The following PEAK1 variants were observed in gnomAD, a reference collection of about 807,000 sequenced individuals.
PEAK1 encodes inactive tyrosine-protein kinase PEAK1.
In PEAK1, 54 loss-of-function variants were observed where a neutral mutation model predicts 124.7. That is an observed-to-expected ratio of 0.43 (90% CI 0.35 to 0.54). The LOEUF (loss-of-function observed/expected upper bound fraction) is 0.54, where lower values mean the gene tolerates loss of function less well. PEAK1 is among the 20% of genes least tolerant of loss of function. The pLI is 0.01. For synonymous variants in PEAK1, 719 were observed against 760.0 expected, an observed-to-expected ratio of 0.95 and a Z score of 0.89; for missense variants, 2,046 against 2,134.5, an observed-to-expected ratio of 0.96 and a Z score of 0.82.
intron 2 of PEAK1, among the ~76,000 whole-genome samples, chr15:77,292,857 G>A (rs1012234587): frequency 2.6e-5 from 4 of 152,044 alleles, no homozygotes; most frequent in Non-Finnish European, 2.9e-5. Flanking sequence ...TATGACATAC[G>A]TAGCAGGAAA....
At chr15:77,213,298 CAG>C (rs2152865246) in intron 6 of PEAK1, among the ~76,000 whole-genome samples, 1 of 152,204 alleles carries the variant, frequency 6.6e-6, no homozygotes, top group South Asian at 2.1e-4. Flanking sequence ...TGACAAAACA[CAG>C]AAAATGATAA....
intron 1 of PEAK1, among the ~76,000 whole-genome samples, chr15:77,374,648 A>G (rs140511231): frequency 6.6e-6 from 1 of 152,156 alleles, no homozygotes; most frequent in East Asian, 1.9e-4. Context: ...TACTTTAAAT[A>G]TCACTTTTTA....
chr15:77,269,549 G>C (rs551440980), intron 5 of PEAK1, among the ~76,000 whole-genome samples: 4 of 152,162 alleles, frequency 2.6e-5, no homozygotes, highest in South Asian at 4.2e-4. Context: ...AAATTAGATA[G>C]GCAACAACAA....
chr15:77,331,919 T>C (rs2065911459), intron 2 of PEAK1, among the ~76,000 whole-genome samples: 1 of 151,790 alleles, frequency 6.6e-6, no homozygotes, highest in Non-Finnish European at 1.5e-5. Flanking sequence ...CCCAGCACTC[T>C]GAATGCTTTT....
chr15:77,377,776 G>A (rs141690732), intron 1 of PEAK1, among the ~76,000 whole-genome samples: 13 of 152,210 alleles, frequency 8.5e-5, no homozygotes, highest in African/African-American at 3.1e-4. Context: ...GGCCAACAAT[G>A]TTATACTCTT....
rs137858670 is a variant in PEAK1 at position 77,343,253 on chromosome 15, T to C, written c.-603+21910A>G. Among the ~76,000 whole-genome samples the C allele has an allele frequency of 4.8e-3, 728 of 152,332 alleles. 4 individuals carry two copies. The highest frequency in any genetic ancestry group is 0.016 in the African/African-American group (674 of 41,578). On this transcript the variant is annotated intron_variant, in intron 2 of 9. Coordinates refer to ENST00000682557, the MANE Select transcript of PEAK1 (RefSeq NM_001385026.1). ...TGATGTTGAGCATCTTTTCATGTGG[T>C]CATGACTATTTGTATCTTTGGAGAA... is the stretch of plus-strand genomic sequence containing the variant.
intron 1 of PEAK1, among the ~76,000 whole-genome samples, chr15:77,395,111 G>A (rs1169751389): frequency 6.6e-6 from 1 of 152,140 alleles, no homozygotes; most frequent in East Asian, 1.9e-4. Flanking sequence ...TTAACTAACA[G>A]ACTAAAATAA....
chr15:77,180,270 T>C lies in PEAK1; in HGVS notation c.1657A>G (p.Ser553Gly). The C allele has an allele frequency of 1.2e-6, 2 of 1,614,204 alleles. No homozygotes were observed. Among genetic ancestry groups the C allele is most frequent in the Non-Finnish European group, 1.7e-6 (2 of 1,180,016 alleles). Residue 553 changes from serine to glycine, a missense_variant, in exon 7 of 10, where the codon AGT (serine) becomes GGT (glycine). Coordinates refer to ENST00000682557, the MANE Select transcript of PEAK1 (RefSeq NM_001385026.1). Reference sequence around the variant, plus strand: ...GGAGGAACATTTGGTCCAGTTCCACTAGTAATTAGTTCTACTTTAGGTATC... The same window carrying C: ...GGAGGAACATTTGGTCCAGTTCCACCAGTAATTAGTTCTACTTTAGGTATC... ...QKIPKVELIT[S>G]GTGPNVPPRK...
At chr15:77,401,409 T>C (rs1313348855) in intron 1 of PEAK1, 2 of 714,158 alleles carry the variant, frequency 2.8e-6, no homozygotes, top group South Asian at 6.3e-5. Context: ...AAGAATACTT[T>C]TTCTTGTTCT....
intron 2 of PEAK1, chr15:77,338,154 C>T (rs2066311753): frequency 3.1e-6 from 3 of 961,094 alleles, no homozygotes; most frequent in Non-Finnish European, 3.7e-6. Flanking sequence ...ACAATTAATA[C>T]AGCAGACAAT....
At chr15:77,142,468 C>G (rs1439070526) in intron 8 of PEAK1, among the ~76,000 whole-genome samples, 1 of 152,156 alleles carries the variant, frequency 6.6e-6, no homozygotes, top group African/African-American at 2.4e-5. Flanking sequence ...GGTATATACC[C>G]AAGACAACTG....
At chr15:77,294,766 T>C (rs1312148343) in intron 2 of PEAK1, among the ~76,000 whole-genome samples, 4 of 152,190 alleles carry the variant, frequency 2.6e-5, no homozygotes, top group Admixed American at 2.6e-4. Flanking sequence ...CATTATAATA[T>C]GTATGGTTAG....
intron 1 of PEAK1, chr15:77,401,799 A>G (rs1000325005): frequency 2.0e-6 from 2 of 984,432 alleles, no homozygotes; most frequent in African/African-American, 3.5e-5. Flanking sequence ...AAGTTCCAAT[A>G]AAAATTATTT....
In PEAK1 at chr15:77,333,317, T is replaced by C. The variant is rs559477521; in HGVS notation, c.-603+31846A>G. The C allele has an allele frequency of 1.1e-5, 11 of 978,608 alleles. No homozygotes were observed. In the South Asian group the frequency reaches 4.7e-4, roughly 42 times the overall value. The allele number at this position is 978,608 out of a possible 1,614,324, so 60.6% of individuals were successfully genotyped here. ...TTTTTGTGTGTTATTATTTGTTTAA[T>C]TTTGCATTTAGAAGAGCACTTCTAT... On this transcript the variant is annotated intron_variant, in intron 2 of 9. Transcript: ENST00000682557.
At chr15:77,121,317 C>T (rs897243859) in intron 9 of PEAK1, among the ~76,000 whole-genome samples, 3 of 152,184 alleles carry the variant, frequency 2.0e-5, no homozygotes, top group Non-Finnish European at 4.4e-5. Context: ...GTAGTACTTG[C>T]TCCATATGTC....
intron 7 of PEAK1, among the ~76,000 whole-genome samples, chr15:77,175,908 G>T (rs923856922): frequency 2.0e-5 from 3 of 152,178 alleles, no homozygotes; most frequent in Non-Finnish European, 4.4e-5. Flanking sequence ...ATACACCACA[G>T]AATACTATGC....
chr15:77,101,415 G>A (rs911371475), exon 7 of PEAK1: 1 of 152,202 alleles, frequency 6.6e-6, no homozygotes, highest in Non-Finnish European at 1.5e-5. Flanking sequence ...CCCCCGATGA[G>A]TCCTTGGTTA....
In PEAK1 at chr15:77,196,112, A is replaced by G. The variant is rs16968690; in HGVS notation, c.-114-14072T>C. Among the ~76,000 whole-genome samples the G allele has an allele frequency of 4.8e-3, 729 of 152,354 alleles. 4 individuals are homozygous for G. The highest frequency in any genetic ancestry group is 0.016 in the African/African-American group (675 of 41,582). On this transcript the variant is annotated intron_variant, in intron 6 of 9. Coordinates refer to ENST00000682557, the MANE Select transcript of PEAK1 (RefSeq NM_001385026.1). ...AAGATCTTACAGACTCATCAAGGTC[A>G]TTTGTTAAATGGACAATGGGTGAAG...
intron 8 of PEAK1, among the ~76,000 whole-genome samples, chr15:77,148,238 G>A (rs1330985698): frequency 6.6e-6 from 1 of 152,210 alleles, no homozygotes; most frequent in Non-Finnish European, 1.5e-5. Flanking sequence ...TGAGAGGGTA[G>A]AGGACTCACG....
Sources: allele counts gnomAD v4.1 joint callset (sites outside exome capture counted in the v4.1 genomes callset), GRCh38; gene constraint gnomAD v4.1.1; transcripts MANE v1.5; gene names NCBI Gene and HGNC (gene_info 2026-07-23, HGNC 2026-07-21).